The following WWOX variants were observed in gnomAD, a reference collection of about 807,000 sequenced individuals.
The protein encoded by WWOX is WW domain containing oxidoreductase, also known as WW domain-containing oxidoreductase.
Under a neutral mutation model 46.2 loss-of-function variants are expected in WWOX, and 69 were observed. That is an observed-to-expected ratio of 1.49 (90% confidence interval 1.23 to 1.82). The LOEUF is 1.82. Ranked by LOEUF, WWOX falls within the 40% of genes most tolerant of loss-of-function variation. The pLI, the probability that WWOX is intolerant of heterozygous loss-of-function variation, is 0.00. For synonymous variants in WWOX, 359 were observed against 202.6 expected (o/e 1.77, Z -6.56); for missense variants, 919 against 542.6 (o/e 1.69, Z -6.89).
chr16:78,225,141 C>T (rs543651965), intron 5 of WWOX, among the ~76,000 whole-genome samples: 3 of 152,112 alleles, frequency 2.0e-5, no homozygotes, highest in Non-Finnish European at 4.4e-5. Flanking sequence ...AGATGGATAG[C>T]CTACTACACA....
rs1054691000 is a variant in WWOX, at chr16:78,563,993, T to C, written c.1056+131241T>C. 2.0e-5 allele frequency among the ~76,000 whole-genome samples: 3 copies of C among 151,744 alleles called. No homozygotes were observed. In the East Asian group the frequency reaches 5.8e-4, roughly 29 times the overall value. ...GTTGGTGCTTGCCCACTTGCTGTGCTACGAACCCTTTTACTTCTGGGTGCG... is the reference window on the plus strand; with the variant it reads ...GTTGGTGCTTGCCCACTTGCTGTGCCACGAACCCTTTTACTTCTGGGTGCG... On this transcript the variant is annotated intron_variant, in intron 8 of 8. Transcript: ENST00000566780.
At chr16:78,790,706 C>T (rs2050573792) in intron 8 of WWOX, among the ~76,000 whole-genome samples, 1 of 152,004 alleles carries the variant, frequency 6.6e-6, no homozygotes, top group African/African-American at 2.4e-5. Context: ...CTGTGGTTTA[C>T]AAATAAGTAG....
At chr16:79,047,113 C>T (rs578022494) in intron 8 of WWOX, among the ~76,000 whole-genome samples, 1 of 152,302 alleles carries the variant, frequency 6.6e-6, no homozygotes, top group Admixed American at 6.5e-5. Flanking sequence ...TCCAGCCATT[C>T]ACATATGTAT....
rs188900025 is a variant in WWOX, at chr16:78,117,390, C to T, written c.409+2236C>T. ...CACTGTCACCTCACCCCATTCCCCT[C>T]CACTCTTGGGAAGCATACGTCTAGG... On this transcript the variant is annotated intron_variant, in intron 4 of 8. Coordinates refer to ENST00000566780, the MANE Select transcript of WWOX (RefSeq NM_016373.4). 6.6e-3 allele frequency among the ~76,000 whole-genome samples: 1,002 copies of T among 152,288 alleles called. 20 individuals are homozygous for T. The highest frequency in any genetic ancestry group is 0.023 in the African/African-American group (970 of 41,534).
chr16:78,441,800 A>G (rs979001635), intron 8 of WWOX, among the ~76,000 whole-genome samples: 4 of 152,104 alleles, frequency 2.6e-5, no homozygotes, highest in African/African-American at 4.8e-5. Flanking sequence ...AGAAATGTTA[A>G]CTACTATTGT....
chr16:78,262,082 T>G (rs1597416550), intron 5 of WWOX, among the ~76,000 whole-genome samples: 3 of 68,802 alleles, frequency 4.4e-5, no homozygotes, highest in African/African-American at 1.3e-4. Flanking sequence ...GCAAAAAGAG[T>G]GAATGAAACT....
At chr16:78,791,355 A>G (rs1452389078) in intron 8 of WWOX, among the ~76,000 whole-genome samples, 1 of 152,164 alleles carries the variant, frequency 6.6e-6, no homozygotes, top group Non-Finnish European at 1.5e-5. Flanking sequence ...TGTATTAGGA[A>G]GCATTCAGCA....
At chr16:78,115,754 C>T (rs1013410782) in intron 4 of WWOX, among the ~76,000 whole-genome samples, 1 of 152,112 alleles carries the variant, frequency 6.6e-6, no homozygotes, top group East Asian at 1.9e-4. Flanking sequence ...AGGAGCAAGG[C>T]GGGAGCAAAC....
intron 8 of WWOX, among the ~76,000 whole-genome samples, chr16:78,934,505 T>A (rs1597171667): frequency 2.6e-5 from 2 of 76,062 alleles, no homozygotes; most frequent in Admixed American, 1.6e-4. Flanking sequence ...CGAAACCCTG[T>A]ATCAAAAAAA....
In WWOX at chr16:78,593,224, A is replaced by G. The variant is rs149896296; in HGVS notation, c.1056+160472A>G. Among the ~76,000 whole-genome samples the G allele has an allele frequency of 8.6e-3, 1,289 of 150,504 alleles. 14 individuals are homozygous for G. The highest frequency in any genetic ancestry group is 0.042 in the South Asian group (200 of 4,774). On this transcript the variant is annotated intron_variant, in intron 8 of 8. Transcript: ENST00000566780. ...TGATCCTGATTTTTTTTTTATGTGT[A>G]TAGATGGGATTTCATTATATTGCCC...
At chr16:78,209,858 T>G (rs1434806089) in intron 5 of WWOX, among the ~76,000 whole-genome samples, 3 of 152,186 alleles carry the variant, frequency 2.0e-5, no homozygotes, top group Non-Finnish European at 4.4e-5. Flanking sequence ...GGTAAGACCT[T>G]CATAATTCAT....
chr16:79,147,851 C>G (rs191322271), intron 8 of WWOX, among the ~76,000 whole-genome samples: 1 of 152,016 alleles, frequency 6.6e-6, no homozygotes, highest in African/African-American at 2.4e-5. Context: ...AACATATTTT[C>G]ATTTGTTTGT....
At chr16:78,754,133 C>G (rs1265808189) in intron 8 of WWOX, among the ~76,000 whole-genome samples, 1 of 152,028 alleles carries the variant, frequency 6.6e-6, no homozygotes, top group East Asian at 1.9e-4. Context: ...AGGCATTTCT[C>G]TTTTGCTCTG....
At chr16:78,230,080 A>G (rs1438645095) in intron 5 of WWOX, among the ~76,000 whole-genome samples, 1 of 152,014 alleles carries the variant, frequency 6.6e-6, no homozygotes, top group East Asian at 1.9e-4. Flanking sequence ...GGGTTTTACC[A>G]TGTTGCCTAG....
intron 8 of WWOX, among the ~76,000 whole-genome samples, chr16:78,490,261 C>T (rs538057507): frequency 2.6e-5 from 3 of 114,878 alleles, no homozygotes; most frequent in South Asian, 2.3e-4. Flanking sequence ...CAAGCACCAA[C>T]GGAAGCCTTT....
chr16:78,121,579 T>C (rs868777387), intron 4 of WWOX, among the ~76,000 whole-genome samples: 1 of 152,164 alleles, frequency 6.6e-6, no homozygotes, highest in Non-Finnish European at 1.5e-5. Flanking sequence ...AAAATGCTTA[T>C]AATAGGGGTG....
At chr16:78,959,651 C>T (rs1402415079) in intron 8 of WWOX, among the ~76,000 whole-genome samples, 1 of 152,118 alleles carries the variant, frequency 6.6e-6, no homozygotes, top group Non-Finnish European at 1.5e-5. Flanking sequence ...GATCAAAGAG[C>T]TCATCAAAAT....
At chr16:78,406,205 T>G (rs1380318944) in intron 6 of WWOX, among the ~76,000 whole-genome samples, 3 of 150,224 alleles carry the variant, frequency 2.0e-5, no homozygotes, top group African/African-American at 2.4e-5. Flanking sequence ...TAATGTTTAT[T>G]GCTACCAATT....
chr16:78,233,530 T>G (rs1248241700), intron 5 of WWOX, among the ~76,000 whole-genome samples: 3 of 150,172 alleles, frequency 2.0e-5, no homozygotes, highest in Non-Finnish European at 4.4e-5. Context: ...TTAAATTTTT[T>G]TTTTTTTTTT....
Sources: allele counts gnomAD v4.1 joint callset (sites outside exome capture counted in the v4.1 genomes callset), GRCh38; gene constraint gnomAD v4.1.1; transcripts MANE v1.5; gene names NCBI Gene and HGNC (gene_info 2026-07-23, HGNC 2026-07-21).